CLASP2: variants seen among roughly 807,000 people sequenced by gnomAD.
CLASP2 encodes the protein CLIP-associating protein 2.
Under a neutral mutation model 194.4 loss-of-function variants are expected in CLASP2, and 47 were observed. That is an observed-to-expected ratio of 0.24 (90% CI 0.19 to 0.31). CLASP2 has a LOEUF of 0.31. Among genes scored for constraint, CLASP2 ranks in the 10% least tolerant of loss-of-function variants. The pLI, the probability that CLASP2 is intolerant of heterozygous loss-of-function variation, is 1.00. For synonymous variants in CLASP2, 619 were observed against 633.5 expected (o/e 0.98, Z 0.34); for missense variants, 1,445 against 1,823.6 (o/e 0.79, Z 3.78).
chr3:33,713,895 T>C (rs1426759511), intron 1 of CLASP2, among the ~76,000 whole-genome samples: 1 of 152,170 alleles, frequency 6.6e-6, no homozygotes, highest in Non-Finnish European at 1.5e-5. Flanking sequence ...CTAATCCTCA[T>C]AATATACAAA....
chr3:33,653,736 A>G (rs991492361), intron 7 of CLASP2, among the ~76,000 whole-genome samples: 1 of 152,168 alleles, frequency 6.6e-6, no homozygotes, highest in Non-Finnish European at 1.5e-5. Context: ...AGGGATCTAG[A>G]TGAATAAATA....
chr3:33,596,803 C>T, intron 18 of CLASP2, 69 bp from the exon 19 acceptor site: 1 of 1,243,570 alleles, frequency 8.0e-7, no homozygotes, highest in Admixed American at 2.2e-5. Flanking sequence ...TTTTATAATT[C>T]CTAGAAAACA....
At position 33,612,042 on chromosome 3, in the gene CLASP2, T is replaced by C. The variant is rs745621162; in HGVS notation, c.1347A>G (p.Leu449=). The part of the protein sequence containing the change: ...RHTHVPRLIP[L]ITSNCTSKSV... ...ATTTTGATGTGCAATTGCTTGTTAT[T>C]AAAGGTATAAGTCTGGGTACATGAG... The change falls in exon 13 of 39, where the codon TTA becomes TTG. Residue 449 remains leucine, a synonymous_variant. Transcript: ENST00000682230. The C allele has an allele frequency of 1.7e-5, 28 of 1,610,522 alleles. No individual in the cohort carries two copies. Among genetic ancestry groups the C allele is most frequent in the Non-Finnish European group, 2.0e-5 (24 of 1,177,952 alleles).
intron 12 of CLASP2, 61 bp from the exon 13 acceptor site, chr3:33,612,132 T>C: frequency 1.0e-6 from 1 of 983,090 alleles, no homozygotes; most frequent in Non-Finnish European, 1.6e-6. Flanking sequence ...TCCTTTCTTC[T>C]ATTTGCCTTA....
intron 27 of CLASP2, among the ~76,000 whole-genome samples, chr3:33,562,066 TTTTC>T (rs1309590396): frequency 3.9e-5 from 6 of 152,208 alleles, no homozygotes; most frequent in Admixed American, 6.5e-5. Flanking sequence ...AAATGAAGGA[TTTTC>T]TTTATCAGAA....
intron 11 of CLASP2, among the ~76,000 whole-genome samples, chr3:33,620,995 CTT>C (rs1491339716): frequency 1.7e-5 from 2 of 114,336 alleles, no homozygotes; most frequent in African/African-American, 3.5e-5. Flanking sequence ...CTCTGTAGCT[CTT>C]TGTGTGTGTG....
intron 2 of CLASP2, among the ~76,000 whole-genome samples, chr3:33,695,852 C>T (rs2091838698): frequency 6.6e-6 from 1 of 152,104 alleles, no homozygotes; most frequent in Non-Finnish European, 1.5e-5. Context: ...TATAATGCTG[C>T]TATATAATAG....
intron 7 of CLASP2, 57 bp from the exon 8 acceptor site, chr3:33,644,960 C>A: frequency 6.6e-7 from 1 of 1,517,980 alleles, no homozygotes; most frequent in East Asian, 2.4e-5. Flanking sequence ...TCCATTTTCC[C>A]TAAAGCTCAA....
intron 1 of CLASP2, among the ~76,000 whole-genome samples, chr3:33,702,719 C>A (rs1180480183): frequency 2.0e-5 from 3 of 152,028 alleles, no homozygotes; most frequent in Non-Finnish European, 2.9e-5. Flanking sequence ...GGACTTGTAT[C>A]CATAAGAACT....
chr3:33,626,773 G>C (rs2078129484), intron 10 of CLASP2, among the ~76,000 whole-genome samples: 1 of 145,418 alleles, frequency 6.9e-6, no homozygotes, highest in South Asian at 2.1e-4. Context: ...CAAATGTGTA[G>C]GATAGGCACC....
intron 7 of CLASP2, among the ~76,000 whole-genome samples, chr3:33,650,920 T>G (rs1172872337): frequency 6.6e-6 from 1 of 152,236 alleles, no homozygotes; most frequent in African/African-American, 2.4e-5. Flanking sequence ...CAATGACTTA[T>G]CTGCATGCCT....
chr3:33,619,604 C>A lies in CLASP2; in HGVS notation c.1316G>T (p.Arg439Leu). 6.5e-7 allele frequency: 1 copy of A among 1,547,010 alleles called. No individual in the cohort carries two copies. Among genetic ancestry groups the A allele is most frequent in the South Asian group, 1.2e-5 (1 of 83,142 alleles). ...TAGAAAACGAGAGAGCAAACCTACC[C>A]GAATGATAAATCTGATTGCTGCACA... ...SGCAAIRFII[R>L]HTHVPRLIPL... The change falls in exon 12 of 39, where the codon CGG (arginine) becomes CTG (leucine). Residue 439 changes from arginine (R) to leucine (L), a missense_variant and splice_region_variant. This residue lies in a region of CLASP2 where 207 missense variants were observed against 331.4 expected (regional missense o/e 0.62). Transcript: ENST00000682230.
At chr3:33,569,891 G>C (rs1024527117) in intron 26 of CLASP2, among the ~76,000 whole-genome samples, 9 of 151,774 alleles carry the variant, frequency 5.9e-5, no homozygotes, top group Admixed American at 2.0e-4. Flanking sequence ...ACTAAAAATA[G>C]AAAAAAATGA....
chr3:33,618,246 C>T (rs1355434141), intron 12 of CLASP2, among the ~76,000 whole-genome samples: 4 of 152,010 alleles, frequency 2.6e-5, no homozygotes, highest in South Asian at 2.1e-4. Flanking sequence ...CCGCGCCCGG[C>T]CTGGTGAGGA....
chr3:33,694,467 T>C (rs1318332243), intron 2 of CLASP2, among the ~76,000 whole-genome samples: 1 of 152,202 alleles, frequency 6.6e-6, no homozygotes, highest in Non-Finnish European at 1.5e-5. Context: ...AACAGGGAGC[T>C]ACTACAGGGC....
chr3:33,586,139 CT>C (rs897276772), intron 21 of CLASP2, among the ~76,000 whole-genome samples: 20 of 151,846 alleles, frequency 1.3e-4, no homozygotes, highest in Non-Finnish European at 2.4e-4. Flanking sequence ...TCTTTCTTTT[CT>C]TTTTTCCCCC....
chr3:33,518,188 G>C (rs1329864335), intron 34 of CLASP2, among the ~76,000 whole-genome samples: 1 of 152,188 alleles, frequency 6.6e-6, no homozygotes, highest in Non-Finnish European at 1.5e-5. Context: ...ATTGGGCCCA[G>C]TGGTTACCAA....
Position 33,600,082 on chromosome 3 carries a change from T to TA in CLASP2, c.1924+2869_1924+2870insT, listed in dbSNP as rs1026210486. On this transcript the variant is annotated intron_variant, in intron 18 of 38. Transcript: ENST00000682230. ...GTAATGTGTTTTGCTCATATATATA[T>TA]TTTTTTTGTGTGTGTGTGTGTGTGG... Among the ~76,000 whole-genome samples the TA allele has an allele frequency of 3.0e-4, 45 of 149,040 alleles. No homozygotes were observed. In the South Asian group the frequency reaches 4.6e-3, roughly 15 times the overall value.
chr3:33,708,534 ATG>A (rs2092831197), intron 1 of CLASP2, among the ~76,000 whole-genome samples: 2 of 32,536 alleles, frequency 6.1e-5, no homozygotes, highest in Admixed American at 6.1e-4. Context: ...GTATATATAT[ATG>A]TATATATGTA....
Sources: gnomAD v4.1 joint callset for allele counts (sites outside exome capture counted in the v4.1 genomes callset) on GRCh38, gnomAD v4.1.1 for gene constraint, gnomAD v4.1.1 regional missense constraint, MANE v1.5 for transcripts, NCBI Gene and HGNC (gene_info 2026-07-23, HGNC 2026-07-21) for gene names.